The following CCSER1 variants were observed in gnomAD, a reference collection of about 807,000 sequenced individuals.
CCSER1 encodes coiled-coil serine rich protein 1, also known as serine-rich coiled-coil domain-containing protein 1.
Under a neutral mutation model 82.0 loss-of-function variants are expected in CCSER1, and 41 were observed. The ratio of observed to expected loss-of-function variants is 0.50; its 90% CI spans 0.39 to 0.65. The LOEUF is 0.65. CCSER1 is among the 30% of genes least tolerant of loss of function. The probability of loss-of-function intolerance (pLI) is 0.00; values close to 1 mark genes in which losing one functional copy is unlikely to be tolerated. For missense variants in CCSER1, 1,119 were observed against 1,064.2 expected (o/e 1.05, Z -0.72); for synonymous variants, 414 against 383.9 (o/e 1.08, Z -0.92).
intron 6 of CCSER1, among the ~76,000 whole-genome samples, chr4:90,684,985 C>T: frequency 6.6e-6 from 1 of 152,222 alleles, no homozygotes; most frequent in South Asian, 2.1e-4. Flanking sequence ...ATTACCCAGT[C>T]TCGGGTATGT....
At chr4:91,087,813 G>T (rs1723534677) in intron 10 of CCSER1, among the ~76,000 whole-genome samples, 1 of 152,144 alleles carries the variant, frequency 6.6e-6, no homozygotes, top group East Asian at 1.9e-4. Flanking sequence ...GCAGCACTGG[G>T]TTACTTAAGC....
intron 10 of CCSER1, among the ~76,000 whole-genome samples, chr4:91,562,782 A>G (rs1762714268): frequency 6.6e-6 from 1 of 151,630 alleles, no homozygotes; most frequent in African/African-American, 2.4e-5. Context: ...ATGATATTGT[A>G]ACGTATTTTA....
chr4:90,459,884 A>G (rs1394088137), intron 4 of CCSER1, among the ~76,000 whole-genome samples: 1 of 152,212 alleles, frequency 6.6e-6, no homozygotes, highest in Non-Finnish European at 1.5e-5. Context: ...AGCCCCAAAC[A>G]TACTAAAGTG....
Position 90,296,226 on chromosome 4 carries a change from A to T in CCSER1, c.-41-12018A>T, listed in dbSNP as rs559250690. Among the ~76,000 whole-genome samples the T allele has an allele frequency of 1.1e-4, 16 of 152,180 alleles. No individual in the cohort carries two copies. In the South Asian group the frequency reaches 2.9e-3, roughly 28 times the overall value. ...ACTATTTTGTTGACAGTGAACAATTATTCAGTCATGTGCAGTCAAAGTGAT... is the reference window on the plus strand; with the variant it reads ...ACTATTTTGTTGACAGTGAACAATTTTTCAGTCATGTGCAGTCAAAGTGAT... On this transcript the variant is annotated intron_variant, in intron 1 of 10. Coordinates refer to ENST00000509176, the MANE Select transcript of CCSER1 (RefSeq NM_001145065.2).
chr4:91,144,666 T>G (rs1324869580), intron 10 of CCSER1, among the ~76,000 whole-genome samples: 1 of 150,900 alleles, frequency 6.6e-6, no homozygotes, highest in Non-Finnish European at 1.5e-5. Context: ...GTGTCTTTGT[T>G]TTTTTTTTAT....
intron 6 of CCSER1, among the ~76,000 whole-genome samples, chr4:90,685,914 C>T (rs762248530): frequency 6.6e-6 from 1 of 152,084 alleles, no homozygotes; most frequent in South Asian, 2.1e-4. Flanking sequence ...TTGCCCATAT[C>T]GAAATTCAGG....
chr4:91,085,044 A>G (rs1426223143), intron 9 of CCSER1, among the ~76,000 whole-genome samples: 2 of 152,000 alleles, frequency 1.3e-5, no homozygotes. Flanking sequence ...ATCTTCTTAA[A>G]TTCAAATTCC....
At chr4:90,389,279 C>G (rs1750589169) in intron 3 of CCSER1, among the ~76,000 whole-genome samples, 1 of 151,954 alleles carries the variant, frequency 6.6e-6, no homozygotes, top group African/African-American at 2.4e-5. Flanking sequence ...GCTGACATGA[C>G]AACTTTAGGG....
chr4:90,742,449 A>G (rs888118773), intron 7 of CCSER1, among the ~76,000 whole-genome samples: 5 of 152,164 alleles, frequency 3.3e-5, no homozygotes, highest in Non-Finnish European at 7.4e-5. Context: ...TCCTCAGTAT[A>G]AAGCCCTTAT....
At chr4:91,067,047 C>A (rs1017722872) in intron 9 of CCSER1, among the ~76,000 whole-genome samples, 1 of 152,032 alleles carries the variant, frequency 6.6e-6, no homozygotes, top group Non-Finnish European at 1.5e-5. Context: ...TGCCTGTAGT[C>A]CCAGCTATTT....
intron 1 of CCSER1, among the ~76,000 whole-genome samples, chr4:90,238,267 G>T (rs552185335): frequency 6.6e-6 from 1 of 152,248 alleles, no homozygotes; most frequent in South Asian, 2.1e-4. Flanking sequence ...TCCACTCCAG[G>T]AATGGTATTT....
intron 3 of CCSER1, among the ~76,000 whole-genome samples, chr4:90,349,256 CAGAT>C (rs1316192915): frequency 6.6e-6 from 1 of 152,034 alleles, no homozygotes; most frequent in African/African-American, 2.4e-5. Flanking sequence ...ATTTATTCAA[CAGAT>C]ATATTTACAA....
intron 10 of CCSER1, among the ~76,000 whole-genome samples, chr4:91,444,747 G>A (rs1170841871): frequency 2.0e-5 from 3 of 152,204 alleles, no homozygotes; most frequent in Admixed American, 6.5e-5. Context: ...ACCACACCCA[G>A]CCTCTTGCTT....
intron 10 of CCSER1, among the ~76,000 whole-genome samples, chr4:91,279,464 CTGAGT>C (rs1366216935): frequency 1.3e-5 from 2 of 151,872 alleles, no homozygotes; most frequent in East Asian, 3.9e-4. Context: ...CTTTGTCTGA[CTGAGT>C]TATTTCAAAA....
intron 10 of CCSER1, among the ~76,000 whole-genome samples, chr4:91,159,747 T>G (rs1296232850): frequency 3.9e-5 from 6 of 151,940 alleles, no homozygotes; most frequent in African/African-American, 1.4e-4. Context: ...TAAACAGAAT[T>G]TCAAATGCAA....
At chr4:90,633,415 A>T (rs1230177277) in intron 6 of CCSER1, among the ~76,000 whole-genome samples, 1 of 152,020 alleles carries the variant, frequency 6.6e-6, no homozygotes, top group African/African-American at 2.4e-5. Flanking sequence ...TTGTATGCCC[A>T]AGTCTATCAA....
intron 1 of CCSER1, among the ~76,000 whole-genome samples, chr4:90,278,478 A>G (rs1433897557): frequency 6.6e-6 from 1 of 152,166 alleles, no homozygotes; most frequent in African/African-American, 2.4e-5. Context: ...CATATACACC[A>G]TGGAATACTA....
At chr4:90,638,395 T>A (rs961334150) in intron 6 of CCSER1, among the ~76,000 whole-genome samples, 1 of 152,286 alleles carries the variant, frequency 6.6e-6, no homozygotes, top group South Asian at 2.1e-4. Flanking sequence ...AGTTTTTAGT[T>A]TTCCCTTGTG....
chr4:91,430,285 T>TGGA (rs1183078701), intron 10 of CCSER1, among the ~76,000 whole-genome samples: 1 of 152,308 alleles, frequency 6.6e-6, no homozygotes, highest in East Asian at 1.9e-4. Context: ...GTGAATATAG[T>TGGA]GGACATTTTT....
Sources: gnomAD v4.1 joint callset for allele counts (sites outside exome capture counted in the v4.1 genomes callset) on GRCh38, gnomAD v4.1.1 for gene constraint, MANE v1.5 for transcripts, NCBI Gene and HGNC (gene_info 2026-07-23, HGNC 2026-07-21) for gene names.